Variants in ATP5F1C observed in about 807,000 individuals in gnomAD.
ATP5F1C encodes ATP synthase F1 subunit gamma.
In ATP5F1C, 22 loss-of-function variants were observed where a neutral mutation model predicts 37.4. The observed-to-expected ratio is 0.59, with a 90% confidence interval of 0.42 to 0.84. The LOEUF (loss-of-function observed/expected upper bound fraction) is 0.84. ATP5F1C is among the 40% of genes least tolerant of loss of function. ATP5F1C has a pLI of 0.00. For missense variants in ATP5F1C, 286 were observed against 362.4 expected, an observed-to-expected ratio of 0.79 and a Z score of 1.71; for synonymous variants, 121 against 128.0, an observed-to-expected ratio of 0.95 and a Z score of 0.37.
chr10:7,798,045 G>A (rs1024831393), intron 3 of ATP5F1C, among the ~76,000 whole-genome samples: 1 of 152,090 alleles, frequency 6.6e-6, no homozygotes, highest in Non-Finnish European at 1.5e-5. Flanking sequence ...TTATGATCAT[G>A]CTGTCTTATC....
chr10:7,801,573 G>A (rs1836366553), intron 6 of ATP5F1C: 1 of 152,178 alleles, frequency 6.6e-6, no homozygotes, highest in Admixed American at 6.5e-5. Flanking sequence ...TGCACAGGTT[G>A]AGTATCCCTT....
chr10:7,799,602 T>A, intron 4 of ATP5F1C, 170 bp from the exon 5 acceptor site: 2 of 685,024 alleles, frequency 2.9e-6, no homozygotes, highest in Non-Finnish European at 4.8e-6. Context: ...TCTTTGCAGG[T>A]GCTGAAGGAA....
At position 7,807,734 on chromosome 10, in the gene ATP5F1C, A is replaced by G. The variant is rs1457408723; in HGVS notation, c.*106A>G. On this transcript the variant is annotated 3_prime_UTR_variant, in exon 10 of 10. Transcript: ENST00000356708. ...CTTTGTCCGAAGAAACTGTTCCTCC[A>G]TTATTTGAATTACTGAAGACAGCAA... 15 of 1,496,270 alleles carry G rather than the reference A, an allele frequency of 1.0e-5. No homozygotes were observed. Among genetic ancestry groups the G allele is most frequent in the African/African-American group, 2.8e-5 (2 of 71,904 alleles). 92.7% of individuals were successfully genotyped at this position (1,496,270 alleles called of 1,614,324 possible).
At chr10:7,790,563 G>A (rs954114614) in intron 1 of ATP5F1C, among the ~76,000 whole-genome samples, 3 of 152,124 alleles carry the variant, frequency 2.0e-5, no homozygotes, top group African/African-American at 4.8e-5. Context: ...TACAGATACC[G>A]ATAAGGAGAT....
Position 7,804,559 on chromosome 10 carries a change from C to A in ATP5F1C, c.890+1705C>A, listed in dbSNP as rs533392226. Among the ~76,000 whole-genome samples, 11 of 152,318 alleles carry A rather than the reference C, an allele frequency of 7.2e-5. No homozygotes were observed. The East Asian group carries it at 2.1e-3, about 29-fold the overall frequency. ...CCTTACTCAGCTGGGGGAATCCTTTCTTCCAGAAAACACTCCTTCCTTCAG... is the reference window on the plus strand; with the variant it reads ...CCTTACTCAGCTGGGGGAATCCTTTATTCCAGAAAACACTCCTTCCTTCAG... On this transcript the variant is annotated intron_variant, in intron 8 of 9. Coordinates refer to ENST00000356708, the MANE Select transcript of ATP5F1C (RefSeq NM_001001973.3).
At chr10:7,792,957 TC>T (rs1342716110) in intron 1 of ATP5F1C, among the ~76,000 whole-genome samples, 1 of 152,232 alleles carries the variant, frequency 6.6e-6, no homozygotes, top group East Asian at 1.9e-4. Flanking sequence ...CAATGAGAGT[TC>T]CTTTTGCTCC....
At chr10:7,807,087 C>T (rs1836495784) in intron 9 of ATP5F1C, 77 bp downstream of exon 9, 2 of 1,392,822 alleles carry the variant, frequency 1.4e-6, no homozygotes, top group African/African-American at 1.4e-5. Context: ...ATTTAGTAAT[C>T]CTAGAATTGT....
Position 7,796,158 on chromosome 10 carries a change from A to G in ATP5F1C, c.91+3A>G, listed in dbSNP as rs772615841. The G allele has an allele frequency of 2.5e-6, 4 of 1,587,058 alleles. No individual in the cohort carries two copies. Among genetic ancestry groups the G allele is most frequent in the Non-Finnish European group, 2.6e-6 (3 of 1,171,392 alleles). ...AAATATGGCAACTTTGAAAGATAGT[A>G]AGTATGTTGTTTGTCTCAATATGTG... is the stretch of plus-strand genomic sequence containing the variant. On this transcript the variant is annotated splice_donor_region_variant and intron_variant, in intron 2 of 9. Coordinates refer to ENST00000356708, the MANE Select transcript of ATP5F1C (RefSeq NM_001001973.3).
At chr10:7,789,462 GA>G (rs1169679694) in intron 1 of ATP5F1C, among the ~76,000 whole-genome samples, 1 of 151,774 alleles carries the variant, frequency 6.6e-6, no homozygotes, top group Non-Finnish European at 1.5e-5. Context: ...CTCTAATATG[GA>G]AAAAGAACAT....
At chr10:7,800,497 T>TA (rs1289865136) in intron 6 of ATP5F1C, among the ~76,000 whole-genome samples, 4 of 148,312 alleles carry the variant, frequency 2.7e-5, no homozygotes, top group Non-Finnish European at 4.5e-5. Flanking sequence ...TTTTATTTTT[T>TA]TATTTTTTAT....
chr10:7,806,088 T>G (rs1188706405), intron 8 of ATP5F1C, among the ~76,000 whole-genome samples: 1 of 152,128 alleles, frequency 6.6e-6, no homozygotes, highest in Non-Finnish European at 1.5e-5. Context: ...TCCACATAAT[T>G]GGAAATTGAG....
At chr10:7,805,293 C>T (rs1208830830) in intron 8 of ATP5F1C, among the ~76,000 whole-genome samples, 1 of 152,166 alleles carries the variant, frequency 6.6e-6, no homozygotes, top group Non-Finnish European at 1.5e-5. Flanking sequence ...TTAAGTGTGA[C>T]AAAGCCTGCG....
intron 3 of ATP5F1C, among the ~76,000 whole-genome samples, chr10:7,797,734 G>C: frequency 6.6e-6 from 1 of 152,260 alleles, no homozygotes; most frequent in African/African-American, 2.4e-5. Context: ...GAATCCGAAC[G>C]ATGTTGAAGC....
intron 1 of ATP5F1C, among the ~76,000 whole-genome samples, chr10:7,789,335 G>C (rs1185739179): frequency 1.3e-5 from 2 of 152,116 alleles, no homozygotes; most frequent in African/African-American, 4.8e-5. Context: ...GAAATAAATA[G>C]GTTTTTCATT....
At chr10:7,798,895 G>A (rs1564332559) in intron 3 of ATP5F1C, 95 bp from the exon 4 acceptor site, 35 of 1,216,080 alleles carry the variant, frequency 2.9e-5, no homozygotes, top group East Asian at 1.5e-4. Flanking sequence ...ATTTAAATGC[G>A]TATTTTGGAA....
chr10:7,795,053 T>C (rs952243400), intron 1 of ATP5F1C, among the ~76,000 whole-genome samples: 2 of 152,240 alleles, frequency 1.3e-5, no homozygotes, highest in African/African-American at 2.4e-5. Flanking sequence ...TGAGATACTT[T>C]GCTGAAATAC....
chr10:7,802,645 C>A lies in ATP5F1C; in HGVS notation c.794-113C>A. 3 of 1,213,046 alleles carry A rather than the reference C, an allele frequency of 2.5e-6. No homozygotes were observed. The South Asian group carries it at 4.6e-5, about 19-fold the overall frequency. 75.1% of individuals were successfully genotyped at this position (1,213,046 alleles called of 1,614,324 possible). A position where few individuals can be genotyped will look rare whatever the true frequency, so the allele number is the denominator to read the frequency against. On this transcript the variant is annotated intron_variant, in intron 7 of 9. Coordinates refer to ENST00000356708, the MANE Select transcript of ATP5F1C (RefSeq NM_001001973.3). ...ATCTTCATAACATTATTTGAGAGGC[C>A]AATTTTGGTATCCAAAAATTTCTTA...
chr10:7,807,772 T>A lies in ATP5F1C; in HGVS notation c.*144T>A. The A allele has an allele frequency of 8.2e-7, 1 of 1,226,660 alleles. No individual in the cohort carries two copies. Among genetic ancestry groups the A allele is most frequent in the Non-Finnish European group, 1.1e-6 (1 of 878,182 alleles). 76.0% of individuals were successfully genotyped at this position (1,226,660 alleles called of 1,614,324 possible). On this transcript the variant is annotated 3_prime_UTR_variant, in exon 10 of 10. Transcript: ENST00000356708. ...CTGAAGACAGCAAGATATTTGTAAATTATCTTAAAATAAACAACTTAAAAT... is the reference window on the plus strand; with the variant it reads ...CTGAAGACAGCAAGATATTTGTAAAATATCTTAAAATAAACAACTTAAAAT...
intron 6 of ATP5F1C, chr10:7,801,551 A>T (rs1836366346): frequency 6.6e-6 from 1 of 152,228 alleles, no homozygotes; most frequent in South Asian, 2.1e-4. Flanking sequence ...CAAATGACTA[A>T]GTTGGAATTA....
Sources: gnomAD v4.1 joint callset for allele counts (sites outside exome capture counted in the v4.1 genomes callset) on GRCh38, gnomAD v4.1.1 for gene constraint, MANE v1.5 for transcripts, NCBI Gene and HGNC (gene_info 2026-07-23, HGNC 2026-07-21) for gene names.